CES1: variants seen among roughly 807,000 people sequenced by gnomAD.
The protein encoded by CES1 is carboxylesterase 1, also known as liver carboxylesterase 1.
CES1 carries 50 observed loss-of-function variants against 53.0 expected under a neutral mutation model. The observed-to-expected ratio is 0.94, with a 90% confidence interval of 0.75 to 1.19. The LOEUF (loss-of-function observed/expected upper bound fraction) is 1.19. Ranked by LOEUF, CES1 falls within the 50% of genes most tolerant of loss-of-function variation. The pLI is 0.00. For synonymous variants in CES1, 202 were observed against 210.1 expected (o/e 0.96, Z 0.33); for missense variants, 534 against 538.0 (o/e 0.99, Z 0.07).
In CES1 at chr16:55,809,093, C is replaced by CAAAAAAAAAAAAA. The variant is rs376932562; in HGVS notation, c.1318+1411_1318+1423dup. Among the ~76,000 whole-genome samples, 168 of 71,952 alleles carry CAAAAAAAAAAAAA rather than the reference C, an allele frequency of 2.3e-3. 24 individuals carry two copies. Among genetic ancestry groups the CAAAAAAAAAAAAA allele is most frequent in the African/African-American group, 5.5e-3 (99 of 18,004 alleles). The allele number at this position is 71,952 out of a possible 152,430, so 47.2% of individuals were successfully genotyped here. A position where few individuals can be genotyped will look rare whatever the true frequency, so the allele number is the denominator to read the frequency against. ...GTAGATAAAATCTGTGTAGTCCTGG[C>CAAAAAAAAAAAAA]AAAAAAAAAAAAAAAAAAGCCCTGA... is the stretch of plus-strand genomic sequence containing the variant. On this transcript the variant is annotated intron_variant, in intron 11 of 13. Coordinates refer to ENST00000360526, the MANE Select transcript of CES1 (RefSeq NM_001025195.2).
chr16:55,810,313 C>A (rs1385043085), intron 11 of CES1, among the ~76,000 whole-genome samples: 3 of 152,156 alleles, frequency 2.0e-5, no homozygotes, highest in Admixed American at 2.0e-4. Context: ...CTTAAAAAAA[C>A]CACTTGCCTC....
chr16:55,809,093 C>CAAAAAAAAAAA (rs376932562), intron 11 of CES1, among the ~76,000 whole-genome samples: 1,587 of 71,566 alleles, frequency 0.022, 360 homozygotes, highest in Non-Finnish European at 0.03. Context: ...GTAGTCCTGG[C>CAAAAAAAAAAA]AAAAAAAAAA....
rs368338616 is a variant in CES1 at position 55,820,353 on chromosome 16, G to C, written c.801+19C>G. 142 of 1,456,506 alleles carry C rather than the reference G, an allele frequency of 9.7e-5. No homozygotes were observed. The African/African-American group carries it at 1.9e-3, about 20-fold the overall frequency. The allele number at this position is 1,456,506 out of a possible 1,614,324, so 90.2% of individuals were successfully genotyped here. On this transcript the variant is annotated intron_variant, in intron 6 of 13. Transcript: ENST00000360526. ...GAGGTGGGGGTGTCCAGCCGGAGAC[G>C]TACCAGCCGGAGACCTACCTCAGCC...
At chr16:55,815,548 CTTG>C in intron 8 of CES1, among the ~76,000 whole-genome samples, 1 of 152,314 alleles carries the variant, frequency 6.6e-6, no homozygotes, top group East Asian at 1.9e-4. Flanking sequence ...TGGGCACAAC[CTTG>C]TTGTGTCAGA....
At position 55,828,975 on chromosome 16, in the gene CES1, C is replaced by A; in HGVS notation, c.53-1G>T. On this transcript the variant is annotated splice_acceptor_variant, in intron 1 of 13. Transcript: ENST00000360526. LOFTEE classifies it high-confidence loss of function. ...ACAGGTGGCGAGGACGGATGCCCTG[C>A]TGGACATGGAGAATAAATCAGGATG... is the stretch of plus-strand genomic sequence containing the variant. 1.9e-6 allele frequency: 3 copies of A among 1,601,750 alleles called. No individual in the cohort carries two copies. Among genetic ancestry groups the A allele is most frequent in the South Asian group, 1.1e-5 (1 of 89,050 alleles).
chr16:55,826,162 T>A lies in CES1; in HGVS notation c.394A>T (p.Asn132Tyr), dbSNP rs2032407134. ...IYTPADLTKK[N>Y]RLPVMVWIHG... ...GTCCCACAACTTACCGGCAGCCTGT[T>A]TTTCTTGGTCAAGTCAGCAGGAGTG... is the stretch of plus-strand genomic sequence containing the variant. Residue 132 changes from asparagine to tyrosine, a missense_variant, in exon 3 of 14, where the codon AAC becomes TAC. This residue lies in a region of CES1 where 164 missense variants were observed against 162.4 expected (regional missense o/e 1.01). Coordinates refer to ENST00000360526, the MANE Select transcript of CES1 (RefSeq NM_001025195.2). 2.5e-6 allele frequency: 4 copies of A among 1,613,988 alleles called. No homozygotes were observed. Among genetic ancestry groups the A allele is most frequent in the Non-Finnish European group, 3.4e-6 (4 of 1,179,866 alleles).
In CES1 at chr16:55,816,918, C is replaced by T; in HGVS notation, c.945+6G>A. 1.2e-6 allele frequency: 2 copies of T among 1,613,978 alleles called. No homozygotes were observed. Among genetic ancestry groups the T allele is most frequent in the Non-Finnish European group, 1.7e-6 (2 of 1,179,862 alleles). On this transcript the variant is annotated splice_donor_region_variant and intron_variant, in intron 8 of 13. Coordinates refer to ENST00000360526, the MANE Select transcript of CES1 (RefSeq NM_001025195.2). ...AACCCGTAATCCAGAAACAAAAGGT[C>T]CTTACCTCTCTGGGGTCTCCCTGTA...
intron 8 of CES1, among the ~76,000 whole-genome samples, chr16:55,813,825 A>G (rs1468746019): frequency 2.6e-4 from 40 of 152,372 alleles, no homozygotes; most frequent in African/African-American, 7.5e-4. Flanking sequence ...ACAAAAATGC[A>G]GAACACACGG....
chr16:55,829,657 G>C (rs1485819904), intron 1 of CES1, among the ~76,000 whole-genome samples: 1 of 152,246 alleles, frequency 6.6e-6, no homozygotes, highest in Non-Finnish European at 1.5e-5. Flanking sequence ...AGTCTGGGGG[G>C]AGTGGAAAAT....
intron 9 of CES1, among the ~76,000 whole-genome samples, chr16:55,812,639 C>T (rs558999181): frequency 6.6e-6 from 1 of 152,180 alleles, no homozygotes; most frequent in Non-Finnish European, 1.5e-5. Context: ...ATTTTCTCTA[C>T]TGGCCCTCCC....
Position 55,812,994 on chromosome 16 carries a change from GT to G in CES1, c.994del (p.Thr332HisfsTer28). 3 of 1,614,056 alleles carry G rather than the reference GT, an allele frequency of 1.9e-6. No individual in the cohort carries two copies. The highest frequency in any genetic ancestry group is 2.5e-6 in the Non-Finnish European group (3 of 1,179,938). ...CCTTTCAGCTTGAAGCTCTTCAGGTGTTTTCAGCAGCAGCATCCCATCAATC... is the reference window on the plus strand; with the variant it reads ...CCTTTCAGCTTGAAGCTCTTCAGGTGTTTCAGCAGCAGCATCCCATCAATC... ...TVIDGMLLLK[T>X]PEELQAERNF... On this transcript the variant is annotated frameshift_variant, in exon 9 of 14. Coordinates refer to ENST00000360526, the MANE Select transcript of CES1 (RefSeq NM_001025195.2). LOFTEE classifies it high-confidence loss of function.
At chr16:55,821,198 G>C (rs1477006022) in intron 5 of CES1, among the ~76,000 whole-genome samples, 170 bp downstream of exon 5, 1 of 151,700 alleles carries the variant, frequency 6.6e-6, no homozygotes, top group East Asian at 1.9e-4. Context: ...TGGGGGCCAA[G>C]GAGAGCTGGT....
At chr16:55,831,213 G>C (rs1229235787) in intron 1 of CES1, among the ~76,000 whole-genome samples, 2 of 152,214 alleles carry the variant, frequency 1.3e-5, no homozygotes, top group Admixed American at 1.3e-4. Context: ...AGATCCATCA[G>C]AATAGGGGAG....
chr16:55,821,076 G>A (rs2032168671), intron 5 of CES1, among the ~76,000 whole-genome samples: 1 of 150,134 alleles, frequency 6.7e-6, no homozygotes, highest in Non-Finnish European at 1.5e-5. Context: ...GAGAGAGAAA[G>A]AGAGAGAGAG....
At position 55,831,266 on chromosome 16, in the gene CES1, C is replaced by T. The variant is rs183259794; in HGVS notation, c.52+1738G>A. On this transcript the variant is annotated intron_variant, in intron 1 of 13. Transcript: ENST00000360526. ...CTTTGAAGCCCAGGGAGCAAGAGGG[C>T]GAGGAACCAGCTAAGAGTGCTGAGG... is the stretch of plus-strand genomic sequence containing the variant. Among the ~76,000 whole-genome samples, 24 of 152,182 alleles carry T rather than the reference C, an allele frequency of 1.6e-4. No individual in the cohort carries two copies. In the East Asian group the frequency reaches 1.9e-3, roughly 12 times the overall value.
At chr16:55,820,107 G>A in intron 6 of CES1, 1 of 592,114 alleles carries the variant, frequency 1.7e-6, no homozygotes, top group East Asian at 2.9e-5. Context: ...TGGCTGCTAG[G>A]GCCATGAGCT....
intron 9 of CES1, among the ~76,000 whole-genome samples, chr16:55,811,512 C>T (rs1425906029): frequency 3.9e-5 from 6 of 152,176 alleles, no homozygotes; most frequent in East Asian, 1.9e-4. Flanking sequence ...CACATCTCTA[C>T]GCACATAACA....
At chr16:55,815,787 T>C (rs1369039708) in intron 8 of CES1, among the ~76,000 whole-genome samples, 2 of 152,198 alleles carry the variant, frequency 1.3e-5, no homozygotes, top group South Asian at 2.1e-4. Context: ...CTACAGTCTA[T>C]TTGAACACCA....
intron 9 of CES1, among the ~76,000 whole-genome samples, chr16:55,811,276 G>A (rs2031687603): frequency 7.3e-6 from 1 of 137,394 alleles, no homozygotes; most frequent in Non-Finnish European, 1.6e-5. Flanking sequence ...GTGTGTGTGT[G>A]CGCGCGTGTG....
Sources: allele counts gnomAD v4.1 joint callset (sites outside exome capture counted in the v4.1 genomes callset), GRCh38; gene constraint gnomAD v4.1.1; regional missense constraint gnomAD v4.1.1; transcripts MANE v1.5; gene names NCBI Gene and HGNC (gene_info 2026-07-23, HGNC 2026-07-21).